Variants in WDR70 observed in about 807,000 individuals in gnomAD.
The protein encoded by WDR70 is WD repeat domain 70, also known as WD repeat-containing protein 70.
WDR70 carries 53 observed loss-of-function variants against 88.6 expected under a neutral mutation model. The observed-to-expected ratio is 0.60, with a 90% CI of 0.48 to 0.75. The LOEUF (loss-of-function observed/expected upper bound fraction) is 0.75, where lower values mean the gene tolerates loss of function less well. WDR70 is among the 30% of genes least tolerant of loss of function. The pLI is 0.00. For missense variants in WDR70, 610 were observed against 823.2 expected, an observed-to-expected ratio of 0.74 and a Z score of 3.17; for synonymous variants, 280 against 270.0, an observed-to-expected ratio of 1.04 and a Z score of -0.36.
intron 8 of WDR70, chr5:37,506,484 A>G: frequency 3.9e-6 from 3 of 769,220 alleles, no homozygotes; most frequent in East Asian, 2.4e-5. Context: ...ATTTCCCCAG[A>G]CACCTCTGTT....
At chr5:37,622,288 T>C (rs1744529082) in intron 10 of WDR70, among the ~76,000 whole-genome samples, 1 of 151,942 alleles carries the variant, frequency 6.6e-6, no homozygotes, top group Admixed American at 6.6e-5. Flanking sequence ...TTTTACACTG[T>C]TGGTGGGACT....
chr5:37,602,939 G>A (rs1294053380), intron 9 of WDR70, among the ~76,000 whole-genome samples: 3 of 151,632 alleles, frequency 2.0e-5, no homozygotes, highest in Admixed American at 6.6e-5. Flanking sequence ...ATTGCGCCAC[G>A]GCACTCCAGC....
intron 10 of WDR70, among the ~76,000 whole-genome samples, chr5:37,684,292 C>T (rs1746518933): frequency 6.6e-6 from 1 of 152,160 alleles, no homozygotes; most frequent in East Asian, 1.9e-4. Flanking sequence ...AATTCTATTT[C>T]TGTCATTTCA....
chr5:37,599,996 A>C lies in WDR70; in HGVS notation c.918-5068A>C, dbSNP rs542130197. Among the ~76,000 whole-genome samples, 481 of 152,292 alleles carry C rather than the reference A, an allele frequency of 3.2e-3. 3 individuals are homozygous for C. Among genetic ancestry groups the C allele is most frequent in the African/African-American group, 0.011 (459 of 41,560 alleles). ...AAGTGTAAAGAAGGTCCTAAAGAAA[A>C]CATAGGAGAAAATATTTTTAACCTT... On this transcript the variant is annotated intron_variant, in intron 9 of 17. Transcript: ENST00000265107.
At chr5:37,415,683 C>T (rs1289100148) in intron 5 of WDR70, among the ~76,000 whole-genome samples, 9 of 150,928 alleles carry the variant, frequency 6.0e-5, no homozygotes, top group Admixed American at 2.6e-4. Context: ...ACCTCCCTCC[C>T]GCCGGGCGGA....
At chr5:37,416,274 C>G (rs4607372) in intron 5 of WDR70, among the ~76,000 whole-genome samples, 14,490 of 152,166 alleles carry the variant, frequency 0.095, 2,261 homozygotes, top group African/African-American at 0.32. Context: ...CTCGGGAGGC[C>G]GAGGCTGGCG....
At chr5:37,546,770 T>C (rs987866972) in intron 9 of WDR70, among the ~76,000 whole-genome samples, 29 of 151,930 alleles carry the variant, frequency 1.9e-4, no homozygotes, top group Admixed American at 1.4e-3. Flanking sequence ...AATACAAAAA[T>C]TAGCCAGGCG....
At chr5:37,514,880 G>A (rs1312884480) in intron 8 of WDR70, among the ~76,000 whole-genome samples, 1 of 151,988 alleles carries the variant, frequency 6.6e-6, no homozygotes, top group East Asian at 1.9e-4. Context: ...GCCAGGCATG[G>A]TGGCTCATGC....
At chr5:37,551,845 C>T (rs1348576630) in intron 9 of WDR70, among the ~76,000 whole-genome samples, 1 of 142,044 alleles carries the variant, frequency 7.0e-6, no homozygotes, top group East Asian at 2.2e-4. Context: ...CAATCTCGCT[C>T]ACTGCAAACT....
At chr5:37,521,728 ACACACACACACACC>A (rs1227360302) in intron 9 of WDR70, among the ~76,000 whole-genome samples, 1 of 151,882 alleles carries the variant, frequency 6.6e-6, no homozygotes, top group African/African-American at 2.4e-5. Flanking sequence ...ACACACACAC[ACACACACACACACC>A]CACATGTTCT....
intron 8 of WDR70, among the ~76,000 whole-genome samples, chr5:37,491,495 T>A (rs535505430): frequency 4.6e-5 from 7 of 152,236 alleles, no homozygotes; most frequent in African/African-American, 1.2e-4. Context: ...TATTTTTAAA[T>A]TACATGACTA....
chr5:37,592,897 G>T (rs544291875), intron 9 of WDR70, among the ~76,000 whole-genome samples: 1 of 152,354 alleles, frequency 6.6e-6, no homozygotes, highest in Non-Finnish European at 1.5e-5. Flanking sequence ...GCTTGCCCCT[G>T]TAATTCCAGT....
intron 9 of WDR70, among the ~76,000 whole-genome samples, chr5:37,565,288 T>C (rs994732219): frequency 5.3e-5 from 8 of 152,156 alleles, no homozygotes; most frequent in Admixed American, 6.5e-5. Flanking sequence ...AGAGATATTC[T>C]TCTGGATATG....
chr5:37,415,501 G>C (rs1287003831), intron 5 of WDR70, among the ~76,000 whole-genome samples: 2 of 60,192 alleles, frequency 3.3e-5, no homozygotes, highest in Non-Finnish European at 6.4e-5. Context: ...GGCTGGGGGT[G>C]GGGGGGGCCT....
At chr5:37,390,001 TG>T (rs1258770273) in intron 3 of WDR70, among the ~76,000 whole-genome samples, 1 of 152,134 alleles carries the variant, frequency 6.6e-6, no homozygotes, top group African/African-American at 2.4e-5. Flanking sequence ...ACTTGATAAG[TG>T]TCCTTTGCTG....
At chr5:37,479,718 TG>T in intron 7 of WDR70, 115 bp from the exon 8 acceptor site, 1 of 1,236,344 alleles carries the variant, frequency 8.1e-7, no homozygotes, top group Non-Finnish European at 1.1e-6. Flanking sequence ...CCTGATTTTG[TG>T]GAATTATCAA....
In WDR70 at chr5:37,589,249, TACACACACAC is replaced by T. The variant is rs57446016; in HGVS notation, c.918-15786_918-15777del. On this transcript the variant is annotated intron_variant, in intron 9 of 17. Coordinates refer to ENST00000265107, the MANE Select transcript of WDR70 (RefSeq NM_018034.4). ...ATACATACATATATACCTACACACA[TACACACACAC>T]ACACACACACACACACACACACACA... is the stretch of plus-strand genomic sequence containing the variant. 5.7e-3 allele frequency among the ~76,000 whole-genome samples: 801 copies of T among 140,156 alleles called. 4 individuals are homozygous for T. Among genetic ancestry groups the T allele is most frequent in the African/African-American group, 0.019 (726 of 38,210 alleles). 91.9% of individuals were successfully genotyped at this position (140,156 alleles called of 152,430 possible). A position where few individuals can be genotyped will look rare whatever the true frequency, so the allele number is the denominator to read the frequency against.
intron 17 of WDR70, among the ~76,000 whole-genome samples, chr5:37,728,949 C>T (rs1376232469): frequency 6.6e-6 from 1 of 152,042 alleles, no homozygotes; most frequent in Non-Finnish European, 1.5e-5. Flanking sequence ...TTCCTTCTCC[C>T]ACATTTTTTT....
At chr5:37,493,912 C>T (rs1030501099) in intron 8 of WDR70, among the ~76,000 whole-genome samples, 6 of 151,238 alleles carry the variant, frequency 4.0e-5, no homozygotes, top group African/African-American at 9.7e-5. Flanking sequence ...TCTGTCTCCT[C>T]GGTTCTAGCA....
Sources: allele counts gnomAD v4.1 joint callset (sites outside exome capture counted in the v4.1 genomes callset), GRCh38; gene constraint gnomAD v4.1.1; transcripts MANE v1.5; gene names NCBI Gene and HGNC (gene_info 2026-07-23, HGNC 2026-07-21).